SEMA6D: variants seen among roughly 807,000 people sequenced by gnomAD.
SEMA6D encodes semaphorin-6D.
A neutral mutation model predicts 106.6 loss-of-function variants in SEMA6D; 35 were observed. The observed-to-expected ratio is 0.33, with a 90% CI of 0.25 to 0.44. The LOEUF (loss-of-function observed/expected upper bound fraction) is 0.44. Among genes scored for constraint, SEMA6D ranks in the 20% least tolerant of loss-of-function variants. The pLI, the probability that SEMA6D is intolerant of heterozygous loss-of-function variation, is 1.00. For missense variants in SEMA6D, 1,185 were observed against 1,345.9 expected (o/e 0.88, Z 1.87); for synonymous variants, 499 against 487.7 (o/e 1.02, Z -0.31).
At chr15:47,696,025 A>G (rs1039267163) in intron 4 of SEMA6D, among the ~76,000 whole-genome samples, 3 of 152,196 alleles carry the variant, frequency 2.0e-5, no homozygotes, top group African/African-American at 7.2e-5. Flanking sequence ...TATGCCGTTT[A>G]ATTCTCTCCT....
chr15:47,290,544 A>G (rs907505744), intron 1 of SEMA6D, among the ~76,000 whole-genome samples: 2 of 152,074 alleles, frequency 1.3e-5, no homozygotes, highest in Non-Finnish European at 2.9e-5. Context: ...AATACATATA[A>G]ATCATTTATA....
At chr15:47,237,228 C>T (rs2032606276) in intron 1 of SEMA6D, among the ~76,000 whole-genome samples, 1 of 152,084 alleles carries the variant, frequency 6.6e-6, no homozygotes, top group African/African-American at 2.4e-5. Flanking sequence ...GAATTCCATA[C>T]AAGGAATTTA....
intron 3 of SEMA6D, among the ~76,000 whole-genome samples, chr15:47,535,166 G>A (rs1280312112): frequency 2.0e-5 from 3 of 151,818 alleles, no homozygotes; most frequent in Admixed American, 1.3e-4. Flanking sequence ...CAGAAAATTA[G>A]CAACAGAGTC....
chr15:47,494,168 A>G (rs1165543172), intron 3 of SEMA6D, among the ~76,000 whole-genome samples: 1 of 152,148 alleles, frequency 6.6e-6, no homozygotes, highest in East Asian at 1.9e-4. Context: ...TGTGGCCTAA[A>G]CATCATCTTG....
chr15:47,526,339 G>T (rs528021302), intron 3 of SEMA6D, among the ~76,000 whole-genome samples: 23 of 152,130 alleles, frequency 1.5e-4, no homozygotes, highest in African/African-American at 5.1e-4. Context: ...AGGAAAGCTG[G>T]AAAGGGGGGT....
At chr15:47,233,596 C>CT (rs1283529570) in intron 1 of SEMA6D, among the ~76,000 whole-genome samples, 1 of 151,862 alleles carries the variant, frequency 6.6e-6, no homozygotes, top group Non-Finnish European at 1.5e-5. Flanking sequence ...ATTTCTACAA[C>CT]TTTTTTTGTA....
chr15:47,558,504 A>T (rs2045979590), intron 3 of SEMA6D, among the ~76,000 whole-genome samples: 1 of 152,016 alleles, frequency 6.6e-6, no homozygotes, highest in Non-Finnish European at 1.5e-5. Flanking sequence ...GAGGTATTTT[A>T]TCCAGAATTT....
At chr15:47,216,690 A>T (rs1473353331) in intron 1 of SEMA6D, among the ~76,000 whole-genome samples, 1 of 152,098 alleles carries the variant, frequency 6.6e-6, no homozygotes, top group Non-Finnish European at 1.5e-5. Context: ...CAATGGAAAA[A>T]TGGACAAAAA....
intron 3 of SEMA6D, among the ~76,000 whole-genome samples, chr15:47,515,716 A>C (rs913846513): frequency 9.2e-5 from 14 of 152,168 alleles, no homozygotes; most frequent in Non-Finnish European, 1.6e-4. Flanking sequence ...TTGAGGAACA[A>C]TGTTAGCATC....
intron 1 of SEMA6D, among the ~76,000 whole-genome samples, chr15:47,380,183 A>G (rs1333258968): frequency 6.6e-6 from 1 of 152,252 alleles, no homozygotes; most frequent in African/African-American, 2.4e-5. Flanking sequence ...TATAAAGCAC[A>G]TATCCCTTAA....
chr15:47,501,833 C>T lies in SEMA6D; in HGVS notation c.-87+31288C>T, dbSNP rs549852962. On this transcript the variant is annotated intron_variant, in intron 3 of 19. Coordinates refer to the SEMA6D transcript ENST00000558014. ...CCAAACATTATAAATTTTGGTACCA[C>T]CTACTGGCTGGAGGAGATTTTTGGT... Among the ~76,000 whole-genome samples, 5 of 151,916 alleles carry T rather than the reference C, an allele frequency of 3.3e-5. No individual in the cohort carries two copies. In the South Asian group the frequency reaches 1.0e-3, roughly 32 times the overall value.
intron 1 of SEMA6D, among the ~76,000 whole-genome samples, chr15:47,230,321 G>A (rs1461357617): frequency 2.6e-5 from 4 of 151,830 alleles, no homozygotes; most frequent in Non-Finnish European, 5.9e-5. Flanking sequence ...TGTATATCTT[G>A]AATATACAAA....
chr15:47,740,916 A>AGGC (rs139154386), intron 1 of SEMA6D, among the ~76,000 whole-genome samples: 1 of 152,314 alleles, frequency 6.6e-6, no homozygotes, highest in African/African-American at 2.4e-5. Context: ...AGATTTAGGG[A>AGGC]GGCAGGATCC....
intron 1 of SEMA6D, among the ~76,000 whole-genome samples, chr15:47,743,527 G>A (rs936329872): frequency 3.9e-5 from 6 of 152,116 alleles, no homozygotes; most frequent in African/African-American, 1.4e-4. Flanking sequence ...CCTACAGTGC[G>A]GGGGAGTAAG....
chr15:47,522,211 A>G (rs906384193), intron 3 of SEMA6D, among the ~76,000 whole-genome samples: 1 of 152,350 alleles, frequency 6.6e-6, no homozygotes, highest in South Asian at 2.1e-4. Flanking sequence ...AGAATGTCCT[A>G]TGCTTTTCAA....
Position 47,557,696 on chromosome 15 carries a change from C to G in SEMA6D, c.-86-43169C>G, listed in dbSNP as rs149895307. On this transcript the variant is annotated intron_variant, in intron 3 of 19. Coordinates refer to the SEMA6D transcript ENST00000558014. ...TGGGTTTTGGTTAGGGAAATCACAT[C>G]AGGTTTACATTTTCTTGTTAGTTTT... Among the ~76,000 whole-genome samples, 324 of 152,282 alleles carry G rather than the reference C, an allele frequency of 2.1e-3. 1 individual carries two copies. Among genetic ancestry groups the G allele is most frequent in the African/African-American group, 7.7e-3 (318 of 41,568 alleles).
intron 4 of SEMA6D, among the ~76,000 whole-genome samples, chr15:47,684,247 TAAAA>T (rs1188371883): frequency 2.0e-5 from 3 of 151,702 alleles, no homozygotes; most frequent in African/African-American, 4.8e-5. Context: ...ATTACAATAA[TAAAA>T]AAAATTAACG....
chr15:47,445,490 A>C (rs577646570), intron 2 of SEMA6D, among the ~76,000 whole-genome samples: 1 of 151,954 alleles, frequency 6.6e-6, no homozygotes, highest in Non-Finnish European at 1.5e-5. Context: ...ATTTTAACCT[A>C]TCCCTGCTTG....
intron 1 of SEMA6D, among the ~76,000 whole-genome samples, chr15:47,315,997 T>TGTG (rs973602326): frequency 6.6e-6 from 1 of 151,464 alleles, no homozygotes; most frequent in Non-Finnish European, 1.5e-5. Flanking sequence ...GGGTTTTTTT[T>TGTG]TGTGTGTGTG....
Sources: gnomAD v4.1 joint callset for allele counts (sites outside exome capture counted in the v4.1 genomes callset) on GRCh38, gnomAD v4.1.1 for gene constraint, MANE v1.5 for transcripts, NCBI Gene and HGNC (gene_info 2026-07-23, HGNC 2026-07-21) for gene names.